Variants in SMARCC1 observed in about 807,000 individuals in gnomAD.
SMARCC1 encodes the protein SWI/SNF complex subunit SMARCC1.
SMARCC1 carries 43 observed loss-of-function variants against 147.4 expected under a neutral mutation model. The ratio of observed to expected loss-of-function variants is 0.29; its 90% CI spans 0.23 to 0.38. The LOEUF (loss-of-function observed/expected upper bound fraction) is 0.38, where lower values mean the gene tolerates loss of function less well. Among genes scored for constraint, SMARCC1 ranks in the 10% least tolerant of loss-of-function variants. The pLI is 1.00. For missense variants in SMARCC1, 1,119 were observed against 1,381.1 expected (o/e 0.81, Z 3.01); for synonymous variants, 495 against 484.4 (o/e 1.02, Z -0.29).
chr3:47,617,822 A>C (rs976115709), intron 25 of SMARCC1, among the ~76,000 whole-genome samples: 1 of 152,156 alleles, frequency 6.6e-6, no homozygotes, highest in Non-Finnish European at 1.5e-5. Context: ...CCCACTGAAA[A>C]CTATTCACCT....
At chr3:47,711,070 C>G (rs955474659) in intron 8 of SMARCC1, among the ~76,000 whole-genome samples, 1 of 152,172 alleles carries the variant, frequency 6.6e-6, no homozygotes, top group South Asian at 2.1e-4. Flanking sequence ...TTTGCTTAAT[C>G]ATTTCATCCT....
At chr3:47,736,187 TATGCAATATA>T in intron 4 of SMARCC1, 61 bp from the exon 5 acceptor site, 9 of 926,488 alleles carry the variant, frequency 9.7e-6, no homozygotes, top group African/African-American at 1.7e-5. Flanking sequence ...TCATATTATT[TATGCAATATA>T]CAAACCACCC....
chr3:47,696,083 G>T (rs984780443), intron 11 of SMARCC1, among the ~76,000 whole-genome samples: 9 of 146,122 alleles, frequency 6.2e-5, no homozygotes, highest in Middle Eastern at 3.6e-3. Flanking sequence ...AAAAAGGGGG[G>T]GGGGGGGCCA....
intron 6 of SMARCC1, among the ~76,000 whole-genome samples, chr3:47,723,884 A>T (rs1414397637): frequency 6.6e-6 from 1 of 152,204 alleles, no homozygotes; most frequent in Non-Finnish European, 1.5e-5. Context: ...CAAAGATGAT[A>T]TACAAATGAC....
At chr3:47,605,390 C>T (rs577620334) in intron 26 of SMARCC1, among the ~76,000 whole-genome samples, 1 of 152,170 alleles carries the variant, frequency 6.6e-6, no homozygotes, top group Non-Finnish European at 1.5e-5. Flanking sequence ...AGTACAGCCA[C>T]AGAACACTGT....
In SMARCC1 at chr3:47,661,280, C is replaced by G. The variant is rs775492826; in HGVS notation, c.2320+14G>C. ...ATATATTAACCCTGTCCCTTAAAAG[C>G]AGCAGTGACTCACCAAGCTTCTCTG... On this transcript the variant is annotated intron_variant, in intron 21 of 27. Transcript: ENST00000254480. The G allele has an allele frequency of 6.3e-7, 1 of 1,596,708 alleles. No individual in the cohort carries two copies. Among genetic ancestry groups the G allele is most frequent in the South Asian group, 1.1e-5 (1 of 87,754 alleles).
chr3:47,592,918 C>CA (rs1340103735), intron 26 of SMARCC1, among the ~76,000 whole-genome samples: 1 of 149,428 alleles, frequency 6.7e-6, no homozygotes, highest in African/African-American at 2.5e-5. Flanking sequence ...TTCTTGGGTT[C>CA]AAAGGATTCT....
In SMARCC1 at chr3:47,623,702, G is replaced by A. The variant is rs767106504; in HGVS notation, c.2647-1361C>T. Among the ~76,000 whole-genome samples the A allele has an allele frequency of 1.1e-4, 16 of 151,866 alleles. 1 individual carries two copies. Among genetic ancestry groups the A allele is most frequent in the Non-Finnish European group, 1.9e-4 (13 of 67,980 alleles). ...TATTTTTGAACAAAAAAATTTATGC[G>A]CACGATATAAACTGAAAAGTTACAA... On this transcript the variant is annotated intron_variant, in intron 24 of 27. Coordinates refer to ENST00000254480, the MANE Select transcript of SMARCC1 (RefSeq NM_003074.4).
At chr3:47,691,967 C>T (rs1461613244) in intron 12 of SMARCC1, among the ~76,000 whole-genome samples, 1 of 152,124 alleles carries the variant, frequency 6.6e-6, no homozygotes, top group Non-Finnish European at 1.5e-5. Context: ...CCACTGTACT[C>T]CAGCCTGGGT....
chr3:47,781,586 C>A lies in SMARCC1; in HGVS notation c.195+17G>T, dbSNP rs1263528197. On this transcript the variant is annotated intron_variant, in intron 1 of 27. Coordinates refer to ENST00000254480, the MANE Select transcript of SMARCC1 (RefSeq NM_003074.4). The stretch of plus-strand genomic sequence containing the variant: ...CGGTCGCGTGGTCTCCCGGCCCCCA[C>A]GGGCGCGCGAACCCACCTTCTTGTA... 2 of 1,509,362 alleles carry A rather than the reference C, an allele frequency of 1.3e-6. No homozygotes were observed. The highest frequency in any genetic ancestry group is 8.8e-7 in the Non-Finnish European group (1 of 1,132,910). The allele number at this position is 1,509,362 out of a possible 1,614,324, so 93.5% of individuals were successfully genotyped here.
At chr3:47,761,136 AAAAAG>A (rs61023655) in intron 2 of SMARCC1, among the ~76,000 whole-genome samples, 33 of 149,772 alleles carry the variant, frequency 2.2e-4, no homozygotes, top group Non-Finnish European at 4.1e-4. Context: ...CTGTCTAAAA[AAAAAG>A]AAAAGAAAAG....
chr3:47,588,177 G>A lies in SMARCC1; in HGVS notation c.*32C>T. The A allele has an allele frequency of 6.6e-7, 1 of 1,507,366 alleles. No homozygotes were observed. The highest frequency in any genetic ancestry group is 9.2e-7 in the Non-Finnish European group (1 of 1,086,990). 93.4% of individuals were successfully genotyped at this position (1,507,366 alleles called of 1,614,324 possible). On this transcript the variant is annotated 3_prime_UTR_variant, in exon 28 of 28. Transcript: ENST00000254480. ...TGTCATCCCCACTCCAGCTCATGGTGGTGGGCGTGGAGGTTCCCTGCATCT... is the reference window on the plus strand; with the variant it reads ...TGTCATCCCCACTCCAGCTCATGGTAGTGGGCGTGGAGGTTCCCTGCATCT...
chr3:47,671,042 G>A (rs1188657463), intron 18 of SMARCC1, among the ~76,000 whole-genome samples: 4 of 151,378 alleles, frequency 2.6e-5, no homozygotes, highest in Non-Finnish European at 5.9e-5. Flanking sequence ...AAAATTAGCC[G>A]AGAGTGGTGG....
At chr3:47,707,181 G>C (rs992209287) in intron 9 of SMARCC1, among the ~76,000 whole-genome samples, 1 of 151,994 alleles carries the variant, frequency 6.6e-6, no homozygotes, top group Non-Finnish European at 1.5e-5. Context: ...GTATGGTGGA[G>C]CATGCCTGTA....
At chr3:47,676,868 A>G in intron 16 of SMARCC1, 86 bp from the exon 17 acceptor site, 1 of 1,174,860 alleles carries the variant, frequency 8.5e-7, no homozygotes, top group Non-Finnish European at 1.2e-6. Context: ...AAAAAACAGA[A>G]ACAATAAAAC....
intron 2 of SMARCC1, among the ~76,000 whole-genome samples, chr3:47,747,805 GA>G (rs1177842086): frequency 6.6e-6 from 1 of 151,214 alleles, no homozygotes; most frequent in Non-Finnish European, 1.5e-5. Context: ...AGAAACAAAA[GA>G]AAAAAAGAAA....
chr3:47,754,315 G>A (rs1206607571), intron 2 of SMARCC1, among the ~76,000 whole-genome samples: 1 of 151,548 alleles, frequency 6.6e-6, no homozygotes, highest in Non-Finnish European at 1.5e-5. Context: ...CAATTCTCCT[G>A]CCTGAGCCTC....
chr3:47,682,307 A>AC (rs1203695882), intron 14 of SMARCC1, among the ~76,000 whole-genome samples: 79 of 151,906 alleles, frequency 5.2e-4, no homozygotes, highest in South Asian at 1.0e-3. Context: ...AAAAAAAAAA[A>AC]AAACAAACAA....
At chr3:47,664,430 T>C (rs1410699712) in intron 19 of SMARCC1, among the ~76,000 whole-genome samples, 1 of 152,182 alleles carries the variant, frequency 6.6e-6, no homozygotes, top group Non-Finnish European at 1.5e-5. Flanking sequence ...TTCTTTTTAG[T>C]AGAAATTGAT....
Sources: gnomAD v4.1 joint callset for allele counts (sites outside exome capture counted in the v4.1 genomes callset) on GRCh38, gnomAD v4.1.1 for gene constraint, MANE v1.5 for transcripts, NCBI Gene and HGNC (gene_info 2026-07-23, HGNC 2026-07-21) for gene names.